The following ATP11C variants were observed in gnomAD, a reference collection of about 807,000 sequenced individuals.
The protein encoded by ATP11C is ATPase phospholipid transporting 11C (ATP11C blood group), also known as phospholipid-transporting ATPase IG.
ATP11C carries 36 observed loss-of-function variants against 97.4 expected under a neutral mutation model. The ratio of observed to expected loss-of-function variants is 0.37; its 90% CI spans 0.28 to 0.49. The LOEUF is 0.49. ATP11C is among the 20% of genes least tolerant of loss of function. ATP11C has a pLI of 0.98. For missense variants in ATP11C, 730 were observed against 824.6 expected (o/e 0.89, Z 1.40); for synonymous variants, 275 against 290.9 (o/e 0.95, Z 0.56).
intron 1 of ATP11C, among the ~76,000 whole-genome samples, chrX:139,884,361 T>C (rs1395009228): frequency 8.9e-6 from 1 of 112,257 alleles, no homozygotes; most frequent in Non-Finnish European, 1.9e-5. Context: ...CTGTCAGATC[T>C]ACATGGGCTA....
chrX:139,873,993 T>TA (rs2084422212), intron 1 of ATP11C, among the ~76,000 whole-genome samples: 1 of 108,642 alleles, frequency 9.2e-6, no homozygotes, highest in South Asian at 4.0e-4. Flanking sequence ...AACTCATTTA[T>TA]TATCTCCCTG....
chrX:139,908,071 T>C (rs966268903), intron 1 of ATP11C, among the ~76,000 whole-genome samples: 3 of 111,455 alleles, frequency 2.7e-5, no homozygotes, highest in African/African-American at 9.8e-5. Flanking sequence ...ATCACCTTCA[T>C]GGCTACCAGA....
chrX:139,842,496 T>G (rs1328161115), intron 1 of ATP11C, among the ~76,000 whole-genome samples: 6 of 112,669 alleles, frequency 5.3e-5, no homozygotes, highest in Non-Finnish European at 1.1e-4. Context: ...CTCACTGACC[T>G]CTGAGCTAGG....
rs1475435022 is a variant in ATP11C, at chrX:139,737,937, A to G, written c.3267T>C (p.Asn1089=). Residue 1089 remains asparagine (N), a synonymous_variant, in exon 28 of 30, where the codon AAT becomes AAC. Coordinates refer to ENST00000682941, the MANE Select transcript of ATP11C (RefSeq NM_001353812.2). ...FPEILLIVLK[N]VRRRSARRNL... ...TTACCCTGGCACTTCTTCTTCTTAC[A>G]TTCTTTAATACTATCAGAAGAATCT... 3.3e-6 allele frequency: 4 copies of G among 1,201,576 alleles called. No homozygotes were observed. In the South Asian group the frequency reaches 7.3e-5, roughly 22 times the overall value.
At chrX:139,755,838 A>C (rs183523223) in intron 23 of ATP11C, among the ~76,000 whole-genome samples, 4 of 112,547 alleles carry the variant, frequency 3.6e-5, no homozygotes, top group Admixed American at 9.4e-5. Context: ...AGATGGATTA[A>C]AGACTTAAAT....
At chrX:139,785,713 G>A (rs1714658942) in intron 15 of ATP11C, among the ~76,000 whole-genome samples, 1 of 111,517 alleles carries the variant, frequency 9.0e-6, no homozygotes, top group South Asian at 3.8e-4. Context: ...CCCTTATGCG[G>A]GTCACCATAT....
intron 1 of ATP11C, among the ~76,000 whole-genome samples, chrX:139,861,457 A>C (rs1266162581): frequency 9.0e-6 from 1 of 111,647 alleles, no homozygotes; most frequent in Non-Finnish European, 1.9e-5. Flanking sequence ...ATATTAAAGA[A>C]ATTAATAATA....
chrX:139,900,091 C>A (rs1569488600), intron 1 of ATP11C, among the ~76,000 whole-genome samples: 2 of 111,721 alleles, frequency 1.8e-5, no homozygotes, highest in Non-Finnish European at 3.8e-5. Flanking sequence ...CTAATGCTGG[C>A]CGGGCGCGGT....
At chrX:139,905,520 T>G (rs1441189404) in intron 1 of ATP11C, among the ~76,000 whole-genome samples, 3 of 111,666 alleles carry the variant, frequency 2.7e-5, no homozygotes, top group Admixed American at 1.9e-4. Flanking sequence ...AGTTCCCTAG[T>G]GAAACATAAT....
chrX:139,871,426 C>T (rs988310425), intron 1 of ATP11C, among the ~76,000 whole-genome samples: 2 of 108,306 alleles, frequency 1.8e-5, no homozygotes, highest in African/African-American at 6.8e-5. Flanking sequence ...CCAGGCTGGT[C>T]TCGAACTCCT....
chrX:139,775,421 TG>T (rs2082328883), intron 18 of ATP11C, among the ~76,000 whole-genome samples: 1 of 112,087 alleles, frequency 8.9e-6, no homozygotes, highest in Non-Finnish European at 1.9e-5. Context: ...GTTTTCAAGG[TG>T]GCTGACTAGG....
intron 18 of ATP11C, among the ~76,000 whole-genome samples, chrX:139,778,332 C>T (rs761654091): frequency 5.4e-5 from 6 of 111,775 alleles, no homozygotes; most frequent in African/African-American, 1.6e-4. Context: ...CAGAAACAAA[C>T]GGATGATATT....
chrX:139,731,574 G>A (rs929877851), intron 29 of ATP11C, 77 bp downstream of exon 29: 1 of 567,125 alleles, frequency 1.8e-6, no homozygotes, highest in Non-Finnish European at 2.7e-6. Flanking sequence ...AATTTAGAGA[G>A]TGATATTTTC....
chrX:139,749,560 C>A (rs1331919917), intron 24 of ATP11C, among the ~76,000 whole-genome samples: 1 of 111,517 alleles, frequency 9.0e-6, no homozygotes, highest in Non-Finnish European at 1.9e-5. Context: ...TTATTTTCTT[C>A]AACAGTTTTA....
At chrX:139,762,237 A>C in intron 21 of ATP11C, 131 bp from the exon 22 acceptor site, 2 of 510,799 alleles carry the variant, frequency 3.9e-6, no homozygotes, top group Non-Finnish European at 6.2e-6. Flanking sequence ...TTAAAAACCA[A>C]AAGAGCTTTC....
In ATP11C at chrX:139,797,423, G is replaced by A. The variant is rs113501747; in HGVS notation, c.858-97C>T. On this transcript the variant is annotated intron_variant, in intron 10 of 29. Transcript: ENST00000682941. The stretch of plus-strand genomic sequence containing the variant: ...CTAAAGCTTTTTCTGTGTACGACGC[G>A]TAACTACAGCACAAGCCTTTGTGTA... The A allele has an allele frequency of 3.1e-4, 186 of 593,648 alleles. No homozygotes were observed. In the African/African-American group the frequency reaches 3.8e-3, roughly 12 times the overall value. 48.9% of individuals were successfully genotyped at this position (593,648 alleles called of 1,213,427 possible). A position where few individuals can be genotyped will look rare whatever the true frequency, so the allele number is the denominator to read the frequency against.
At chrX:139,908,169 C>G (rs1329676689) in intron 1 of ATP11C, among the ~76,000 whole-genome samples, 2 of 111,420 alleles carry the variant, frequency 1.8e-5, no homozygotes, top group Admixed American at 1.9e-4. Flanking sequence ...GTGTGCCCTT[C>G]AGCCCCACTA....
At chrX:139,885,321 G>A (rs1240149106) in intron 1 of ATP11C, among the ~76,000 whole-genome samples, 1 of 110,585 alleles carries the variant, frequency 9.0e-6, no homozygotes, top group East Asian at 2.8e-4. Flanking sequence ...TCCAAGACTT[G>A]GTGGTACAAA....
At chrX:139,790,862 T>A (rs180720066) in intron 12 of ATP11C, among the ~76,000 whole-genome samples, 22 of 111,919 alleles carry the variant, frequency 2.0e-4, no homozygotes, top group African/African-American at 6.8e-4. Context: ...ATGGAAAATA[T>A]AAGCCAAGAA....
Sources: gnomAD v4.1 joint callset for allele counts (sites outside exome capture counted in the v4.1 genomes callset) on GRCh38, gnomAD v4.1.1 for gene constraint, MANE v1.5 for transcripts, NCBI Gene and HGNC (gene_info 2026-07-23, HGNC 2026-07-21) for gene names.